The following EZH2 variants were observed in gnomAD, a reference collection of about 807,000 sequenced individuals.
The protein encoded by EZH2 is enhancer of zeste 2 polycomb repressive complex 2 subunit.
Under a neutral mutation model 98.4 loss-of-function variants are expected in EZH2, and 18 were observed. That is an observed-to-expected ratio of 0.18 (90% CI 0.13 to 0.27). EZH2 has a LOEUF of 0.27. Ranked by LOEUF, EZH2 falls within the 10% of genes least tolerant of loss-of-function variation. The probability of loss-of-function intolerance (pLI) is 1.00; values close to 1 mark genes in which losing one functional copy is unlikely to be tolerated. For synonymous variants in EZH2, 338 were observed against 312.3 expected, an observed-to-expected ratio of 1.08 and a Z score of -0.87; for missense variants, 470 against 935.1, an observed-to-expected ratio of 0.50 and a Z score of 6.49.
intron 4 of EZH2, among the ~76,000 whole-genome samples, chr7:148,831,987 C>T (rs962290019): frequency 6.6e-6 from 1 of 152,172 alleles, no homozygotes; most frequent in African/African-American, 2.4e-5. Context: ...CAATAAAATG[C>T]TACCTAAAGT....
chr7:148,883,272 G>C (rs1439333643), intron 1 of EZH2: 2 of 152,280 alleles, frequency 1.3e-5, no homozygotes, highest in Non-Finnish European at 2.9e-5. Flanking sequence ...CTGTGGCACA[G>C]ATTTTTGGGG....
chr7:148,877,028 C>G (rs1162493024), intron 1 of EZH2, among the ~76,000 whole-genome samples: 1 of 151,868 alleles, frequency 6.6e-6, no homozygotes, highest in Non-Finnish European at 1.5e-5. Context: ...TAGAAGAGTA[C>G]CAAGCATATA....
intron 4 of EZH2, among the ~76,000 whole-genome samples, chr7:148,831,550 A>G (rs1163655894): frequency 6.6e-6 from 1 of 152,210 alleles, no homozygotes; most frequent in East Asian, 1.9e-4. Flanking sequence ...AGCAAAATCC[A>G]TGGGTGATTC....
chr7:148,843,941 C>T (rs2129484122), intron 3 of EZH2, among the ~76,000 whole-genome samples: 1 of 152,150 alleles, frequency 6.6e-6, no homozygotes, highest in Middle Eastern at 3.4e-3. Context: ...TAAAAATTGT[C>T]ATTGATTTGT....
At chr7:148,861,383 T>C (rs940629141) in intron 1 of EZH2, among the ~76,000 whole-genome samples, 2 of 151,876 alleles carry the variant, frequency 1.3e-5, no homozygotes, top group African/African-American at 4.8e-5. Flanking sequence ...CACACTACCA[T>C]GCCCAGCTAA....
At chr7:148,870,909 A>T (rs1434946022) in intron 1 of EZH2, among the ~76,000 whole-genome samples, 1 of 151,736 alleles carries the variant, frequency 6.6e-6, no homozygotes, top group Non-Finnish European at 1.5e-5. Flanking sequence ...AGCCTGGATG[A>T]CACAGCGAGA....
At chr7:148,817,486 G>A in intron 10 of EZH2, 95 bp from the exon 11 acceptor site, 1 of 1,268,494 alleles carries the variant, frequency 7.9e-7, no homozygotes, top group East Asian at 2.5e-5. Context: ...GCGAAAAGAT[G>A]AGGACAACTC....
Position 148,835,044 on chromosome 7 carries a change from T to C in EZH2, c.247-2294A>G, listed in dbSNP as rs1810510031. 2.0e-5 allele frequency among the ~76,000 whole-genome samples: 3 copies of C among 152,364 alleles called. No homozygotes were observed. The East Asian group carries it at 5.8e-4, about 29-fold the overall frequency. ...CTGACTGCAACACCCGTGAGCTTAA[T>C]TAATTACTGCACTGTAGTTCTTGCC... On this transcript the variant is annotated intron_variant, in intron 3 of 19. Transcript: ENST00000320356.
At chr7:148,809,218 G>C (rs1402579898) in intron 18 of EZH2, 63 bp from the exon 19 acceptor site, 2 of 1,584,366 alleles carry the variant, frequency 1.3e-6, no homozygotes, top group Non-Finnish European at 1.7e-6. Flanking sequence ...TAACTGACTT[G>C]TTCACATAAC....
chr7:148,822,172 T>C lies in EZH2; in HGVS notation c.908-2485A>G, dbSNP rs189734921. Among the ~76,000 whole-genome samples, 286 of 152,280 alleles carry C rather than the reference T, an allele frequency of 1.9e-3. 1 individual carries two copies. Among genetic ancestry groups the C allele is most frequent in the African/African-American group, 6.5e-3 (271 of 41,566 alleles). ...AAAAAGTGAGAAACGCTTTATAATCTTGGAATGGGAAAGCTAACTGATAAA... is the reference window on the plus strand; with the variant it reads ...AAAAAGTGAGAAACGCTTTATAATCCTGGAATGGGAAAGCTAACTGATAAA... On this transcript the variant is annotated intron_variant, in intron 8 of 19. Transcript: ENST00000320356.
intron 1 of EZH2, among the ~76,000 whole-genome samples, chr7:148,863,663 T>C (rs906073214): frequency 2.6e-5 from 4 of 152,114 alleles, no homozygotes; most frequent in South Asian, 2.1e-4. Context: ...AATGACTCTA[T>C]TGTTTTTTCA....
At chr7:148,878,085 T>A (rs935297219) in intron 1 of EZH2, among the ~76,000 whole-genome samples, 1 of 152,198 alleles carries the variant, frequency 6.6e-6, no homozygotes, top group African/African-American at 2.4e-5. Context: ...TATATAGATA[T>A]AGAGAGAGAT....
Position 148,807,748 on chromosome 7 carries a change from T to G in EZH2, c.2196-42A>C, listed in dbSNP as rs1370876657. 9 of 1,413,136 alleles carry G rather than the reference T, an allele frequency of 6.4e-6. No individual in the cohort carries two copies. The Admixed American group carries it at 1.7e-4, about 27-fold the overall frequency. The allele number at this position is 1,413,136 out of a possible 1,614,324, so 87.5% of individuals were successfully genotyped here. A position where few individuals can be genotyped will look rare whatever the true frequency, so the allele number is the denominator to read the frequency against. ...GAGATGTCCGCTGGATGGCCACCCA[T>G]CCAACATGTGCTGAGACTTAACACA... On this transcript the variant is annotated intron_variant, in intron 19 of 19. Transcript: ENST00000320356.
Position 148,846,452 on chromosome 7 carries a change from CATGTT to C in EZH2, c.246+13_246+17del, listed in dbSNP as rs758523315. ...CAAAAGATGATGATAATTACTACAA[CATGTT>C]ATGTTAACCAACCTCCCTAGTCCCG... On this transcript the variant is annotated intron_variant, in intron 3 of 19. Transcript: ENST00000320356. The C allele has an allele frequency of 1.2e-5, 20 of 1,602,822 alleles. No individual in the cohort carries two copies. In the African/African-American group the frequency reaches 1.6e-4, roughly 13 times the overall value.
Position 148,827,069 on chromosome 7 carries a change from G to A in EZH2, c.728+95C>T. 5 of 875,316 alleles carry A rather than the reference G, an allele frequency of 5.7e-6. No individual in the cohort carries two copies. In the Admixed American group the frequency reaches 1.2e-4, roughly 20 times the overall value. The allele number at this position is 875,316 out of a possible 1,614,324, so 54.2% of individuals were successfully genotyped here. A position where few individuals can be genotyped will look rare whatever the true frequency, so the allele number is the denominator to read the frequency against. ...GCAAACACTGTAAACAAAGTGTAGTGGCTCATCCGCTACATTGATTCCATT... is the reference window on the plus strand; with the variant it reads ...GCAAACACTGTAAACAAAGTGTAGTAGCTCATCCGCTACATTGATTCCATT... On this transcript the variant is annotated intron_variant, in intron 7 of 19. Coordinates refer to ENST00000320356, the MANE Select transcript of EZH2 (RefSeq NM_004456.5).
intron 1 of EZH2, among the ~76,000 whole-genome samples, chr7:148,880,211 T>C (rs1289051397): frequency 6.6e-6 from 1 of 152,226 alleles, no homozygotes; most frequent in Non-Finnish European, 1.5e-5. Flanking sequence ...CTTAGAAATT[T>C]ACCAGCTGTA....
intron 19 of EZH2, 89 bp downstream of exon 19, chr7:148,808,982 G>A (rs1802317964): frequency 2.0e-6 from 2 of 1,014,616 alleles, no homozygotes; most frequent in Non-Finnish European, 3.0e-6. Context: ...ATCAAAAGAA[G>A]CAAAGAACTA....
At chr7:148,881,806 T>G (rs1158532757) in intron 1 of EZH2, among the ~76,000 whole-genome samples, 1 of 151,620 alleles carries the variant, frequency 6.6e-6, no homozygotes, top group Non-Finnish European at 1.5e-5. Flanking sequence ...TCGTGGTGCG[T>G]GCCTGTAGTT....
intron 1 of EZH2, among the ~76,000 whole-genome samples, chr7:148,867,778 G>C (rs2129490252): frequency 6.6e-6 from 1 of 152,186 alleles, no homozygotes; most frequent in East Asian, 1.9e-4. Flanking sequence ...TCATTTATTT[G>C]CTTATGCAAA....
Sources: gnomAD v4.1 joint callset for allele counts (sites outside exome capture counted in the v4.1 genomes callset) on GRCh38, gnomAD v4.1.1 for gene constraint, MANE v1.5 for transcripts, NCBI Gene and HGNC (gene_info 2026-07-23, HGNC 2026-07-21) for gene names.